The following ITGA9 variants were observed in gnomAD, a reference collection of about 807,000 sequenced individuals.
ITGA9 encodes integrin alpha-9.
ITGA9 carries 56 observed loss-of-function variants against 127.8 expected under a neutral mutation model. The ratio of observed to expected loss-of-function variants is 0.44; its 90% CI spans 0.35 to 0.55. The LOEUF (loss-of-function observed/expected upper bound fraction) is 0.55. Ranked by LOEUF, ITGA9 falls within the 20% of genes least tolerant of loss-of-function variation. The pLI is 0.00. For synonymous variants in ITGA9, 508 were observed against 514.5 expected, an observed-to-expected ratio of 0.99 and a Z score of 0.17; for missense variants, 1,196 against 1,347.1, an observed-to-expected ratio of 0.89 and a Z score of 1.76.
intron 16 of ITGA9, among the ~76,000 whole-genome samples, chr3:37,646,651 C>T (rs1700380764): frequency 6.6e-6 from 1 of 152,214 alleles, no homozygotes; most frequent in Non-Finnish European, 1.5e-5. Context: ...AATAACTAGA[C>T]AGGGCTTTGG....
intron 8 of ITGA9, among the ~76,000 whole-genome samples, chr3:37,511,541 G>T (rs1001307924): frequency 1.3e-5 from 2 of 152,184 alleles, no homozygotes; most frequent in Admixed American, 1.3e-4. Context: ...GCCAGTGAGC[G>T]CAGCCAGCAG....
At chr3:37,540,221 G>C (rs1048586092) in intron 14 of ITGA9, among the ~76,000 whole-genome samples, 1 of 152,170 alleles carries the variant, frequency 6.6e-6, no homozygotes, top group South Asian at 2.1e-4. Flanking sequence ...CATTCACCTG[G>C]GAAGGAGGCT....
At chr3:37,810,374 G>A (rs1697352176) in intron 27 of ITGA9, among the ~76,000 whole-genome samples, 1 of 152,044 alleles carries the variant, frequency 6.6e-6, no homozygotes, top group Non-Finnish European at 1.5e-5. Context: ...GGCAGGCCCT[G>A]GGCAAAGGGA....
intron 15 of ITGA9, among the ~76,000 whole-genome samples, chr3:37,588,330 C>A (rs745459540): frequency 6.8e-6 from 1 of 148,118 alleles, no homozygotes; most frequent in Non-Finnish European, 1.5e-5. Flanking sequence ...CACCCCCCCA[C>A]TTCCCTTTCC....
At position 37,455,132 on chromosome 3, in the gene ITGA9, A is replaced by C. The variant is rs1475819249; in HGVS notation, c.185+2573A>C. Among the ~76,000 whole-genome samples, 9 of 152,336 alleles carry C rather than the reference A, an allele frequency of 5.9e-5. No individual in the cohort carries two copies. The South Asian group carries it at 1.0e-3, about 18-fold the overall frequency. On this transcript the variant is annotated intron_variant, in intron 1 of 27. Coordinates refer to ENST00000264741, the MANE Select transcript of ITGA9 (RefSeq NM_002207.3). The stretch of plus-strand genomic sequence containing the variant: ...GGATCTGTCCTAAGTCTGTACCTTA[A>C]CTTCAACTGTGGGGTTGGTTGATTG...
chr3:37,761,172 G>A (rs1575226084), intron 23 of ITGA9, among the ~76,000 whole-genome samples: 1 of 152,218 alleles, frequency 6.6e-6, no homozygotes, highest in East Asian at 1.9e-4. Flanking sequence ...AACTTAAAAT[G>A]AGGTTTTTCT....
At chr3:37,472,585 G>A (rs111445629) in intron 2 of ITGA9, among the ~76,000 whole-genome samples, 6 of 151,902 alleles carry the variant, frequency 3.9e-5, no homozygotes, top group African/African-American at 9.7e-5. Context: ...TAGTGGAGAC[G>A]GGGTTTCGCC....
intron 19 of ITGA9, 55 bp from the exon 20 acceptor site, chr3:37,736,847 GAA>G (rs1553663825): frequency 1.3e-5 from 14 of 1,107,480 alleles, no homozygotes; most frequent in Non-Finnish European, 1.4e-5. Context: ...AGATGGAAGA[GAA>G]CAGTTTAAGT....
At chr3:37,778,982 T>G (rs1696942326) in intron 24 of ITGA9, among the ~76,000 whole-genome samples, 1 of 151,802 alleles carries the variant, frequency 6.6e-6, no homozygotes, top group Non-Finnish European at 1.5e-5. Context: ...TACGACTCTG[T>G]CTGGCTGAAA....
intron 3 of ITGA9, among the ~76,000 whole-genome samples, chr3:37,475,059 G>A (rs865810297): frequency 2.4e-4 from 37 of 152,216 alleles, no homozygotes; most frequent in African/African-American, 6.5e-4. Context: ...CCCTGAGCCC[G>A]CTGTTTGCCT....
Position 37,638,802 on chromosome 3 carries a change from G to A in ITGA9, c.1839+9466G>A, listed in dbSNP as rs538542098. Reference sequence around the variant, plus strand: ...CTGATGGCCTAATTAAAGTGGAATCGCTGCACAGACTGTGTGTGTAACATG... The same window carrying A: ...CTGATGGCCTAATTAAAGTGGAATCACTGCACAGACTGTGTGTGTAACATG... On this transcript the variant is annotated intron_variant, in intron 16 of 27. Coordinates refer to ENST00000264741, the MANE Select transcript of ITGA9 (RefSeq NM_002207.3). Among the ~76,000 whole-genome samples, 6 of 152,296 alleles carry A rather than the reference G, an allele frequency of 3.9e-5. No individual in the cohort carries two copies. In the East Asian group the frequency reaches 7.7e-4, roughly 20 times the overall value.
intron 18 of ITGA9, among the ~76,000 whole-genome samples, chr3:37,700,592 C>T (rs1217605206): frequency 6.6e-6 from 1 of 152,144 alleles, no homozygotes; most frequent in Non-Finnish European, 1.5e-5. Flanking sequence ...TCAAGTGATC[C>T]ACCCACCTCA....
At chr3:37,507,626 A>G (rs967297995) in intron 7 of ITGA9, among the ~76,000 whole-genome samples, 12 of 152,204 alleles carry the variant, frequency 7.9e-5, no homozygotes, top group African/African-American at 1.9e-4. Flanking sequence ...TAAAGTACAT[A>G]AAAATGCTTC....
In ITGA9 at chr3:37,505,383, A is replaced by G. The variant is rs1356678714; in HGVS notation, c.743-617A>G. Among the ~76,000 whole-genome samples, 7 of 152,254 alleles carry G rather than the reference A, an allele frequency of 4.6e-5. 1 individual carries two copies. The highest frequency in any genetic ancestry group is 1.7e-4 in the African/African-American group (7 of 41,472). ...CTGGAAACAACCTAAATGCCCAGCA[A>G]CAGAATAAACATATGACATATTTAT... On this transcript the variant is annotated intron_variant, in intron 6 of 27. Coordinates refer to ENST00000264741, the MANE Select transcript of ITGA9 (RefSeq NM_002207.3).
At chr3:37,732,883 A>T in intron 19 of ITGA9, 85 bp downstream of exon 19, 1 of 1,039,372 alleles carries the variant, frequency 9.6e-7, no homozygotes, top group South Asian at 1.3e-5. Context: ...CCCTGAGGTG[A>T]GGAGTCCTCC....
At chr3:37,727,682 A>G (rs1458681289) in intron 18 of ITGA9, among the ~76,000 whole-genome samples, 1 of 152,218 alleles carries the variant, frequency 6.6e-6, no homozygotes, top group Non-Finnish European at 1.5e-5. Flanking sequence ...GAATTTTCCT[A>G]CTATTTCATA....
intron 23 of ITGA9, among the ~76,000 whole-genome samples, chr3:37,763,399 C>T (rs1471463678): frequency 6.6e-6 from 1 of 152,210 alleles, no homozygotes; most frequent in Non-Finnish European, 1.5e-5. Flanking sequence ...TGAGAATTCT[C>T]TCCCCCTTGA....
intron 15 of ITGA9, among the ~76,000 whole-genome samples, chr3:37,595,138 T>G (rs541842969): frequency 5.3e-5 from 8 of 152,106 alleles, no homozygotes; most frequent in Non-Finnish European, 1.2e-4. Flanking sequence ...AGGATCTCAC[T>G]CTGACACCCA....
intron 17 of ITGA9, among the ~76,000 whole-genome samples, chr3:37,661,604 A>G (rs1000212800): frequency 2.0e-5 from 3 of 152,238 alleles, no homozygotes; most frequent in African/African-American, 7.2e-5. Context: ...TGGTTGGCAA[A>G]GGCATAGTGG....
Sources: allele counts gnomAD v4.1 joint callset (sites outside exome capture counted in the v4.1 genomes callset), GRCh38; gene constraint gnomAD v4.1.1; transcripts MANE v1.5; gene names NCBI Gene and HGNC (gene_info 2026-07-23, HGNC 2026-07-21).